SLC9C2: variants seen among roughly 807,000 people sequenced by gnomAD.
SLC9C2 encodes the protein sodium/hydrogen exchanger 11.
In SLC9C2, 75 loss-of-function variants were observed where a neutral mutation model predicts 140.2. The observed-to-expected ratio is 0.53, with a 90% CI of 0.44 to 0.65. SLC9C2 has a LOEUF of 0.65. SLC9C2 is among the 30% of genes least tolerant of loss of function. The pLI, the probability that SLC9C2 is intolerant of heterozygous loss-of-function variation, is 0.00. For missense variants in SLC9C2, 1,074 were observed against 1,331.8 expected (o/e 0.81, Z 3.01); for synonymous variants, 375 against 420.9 (o/e 0.89, Z 1.34).
chr1:173,515,173 T>A (rs1043200215), intron 23 of SLC9C2, among the ~76,000 whole-genome samples: 7 of 152,168 alleles, frequency 4.6e-5, no homozygotes, highest in African/African-American at 1.7e-4. Flanking sequence ...GTGTTCTCTG[T>A]ATTTCCTGAA....
Position 173,524,765 on chromosome 1 carries a change from T to A in SLC9C2, c.2514+14A>T. On this transcript the variant is annotated intron_variant, in intron 20 of 27. Coordinates refer to ENST00000367714, the MANE Select transcript of SLC9C2 (RefSeq NM_178527.4). Reference sequence around the variant, plus strand: ...AGGCTGGGGTGTTATGCGGACAGAATCAAGCAAAATTACCTTATTTATCTC... The same window carrying A: ...AGGCTGGGGTGTTATGCGGACAGAAACAAGCAAAATTACCTTATTTATCTC... The A allele has an allele frequency of 6.2e-7, 1 of 1,613,126 alleles. No individual in the cohort carries two copies. The highest frequency in any genetic ancestry group is 8.5e-7 in the Non-Finnish European group (1 of 1,179,248).
chr1:173,501,492 C>G (rs897239664), intron 27 of SLC9C2, among the ~76,000 whole-genome samples: 2 of 140,006 alleles, frequency 1.4e-5, no homozygotes, highest in Non-Finnish European at 3.1e-5. Context: ...ATGAGGAACT[C>G]AATTATTTGA....
chr1:173,600,198 T>C lies in SLC9C2; in HGVS notation c.147A>G (p.Leu49=). The change falls in exon 3 of 28, where the codon TTA becomes TTG. Residue 49 remains leucine (L), a synonymous_variant. Transcript: ENST00000367714. The part of the protein sequence containing the change: ...VVLGGLLKMC[L]KNCEVIVLTI... ...TCAAAACAATGACTTCACAATTCTT[T>C]AAACACATCTTCAAAAGCCCTAAAT... The C allele has an allele frequency of 6.2e-7, 1 of 1,611,706 alleles. No homozygotes were observed. Among genetic ancestry groups the C allele is most frequent in the Non-Finnish European group, 8.5e-7 (1 of 1,178,740 alleles).
chr1:173,523,773 AT>A (rs1218131752), intron 21 of SLC9C2, among the ~76,000 whole-genome samples, 195 bp downstream of exon 21: 2 of 152,254 alleles, frequency 1.3e-5, no homozygotes, highest in African/African-American at 2.4e-5. Flanking sequence ...CGGATAAGCC[AT>A]TGTGAAAAAC....
chr1:173,518,291 T>G (rs1571450468), intron 22 of SLC9C2, among the ~76,000 whole-genome samples: 1 of 147,818 alleles, frequency 6.8e-6, no homozygotes, highest in Non-Finnish European at 1.5e-5. Flanking sequence ...CCACCAAAAC[T>G]GGAAATTATA....
chr1:173,517,815 T>G, intron 22 of SLC9C2, 111 bp from the exon 23 acceptor site: 1 of 901,938 alleles, frequency 1.1e-6, no homozygotes, highest in South Asian at 2.5e-5. Context: ...GGGAAAGATC[T>G]CCTGTCAGGT....
At chr1:173,535,612 T>C (rs564453873) in intron 15 of SLC9C2, among the ~76,000 whole-genome samples, 1 of 152,248 alleles carries the variant, frequency 6.6e-6, no homozygotes, top group African/African-American at 2.4e-5. Context: ...AGGATCCAAA[T>C]ATGAACATCC....
intron 13 of SLC9C2, among the ~76,000 whole-genome samples, chr1:173,545,037 C>T (rs998487535): frequency 6.6e-6 from 1 of 152,078 alleles, no homozygotes; most frequent in Non-Finnish European, 1.5e-5. Context: ...CAGGGTGCTG[C>T]CAGTAAAATA....
At chr1:173,519,246 A>G (rs1199442465) in intron 22 of SLC9C2, among the ~76,000 whole-genome samples, 1 of 152,048 alleles carries the variant, frequency 6.6e-6, no homozygotes, top group African/African-American at 2.4e-5. Context: ...GACAAAAGAG[A>G]AGCTCTAGGA....
intron 7 of SLC9C2, 50 bp downstream of exon 7, chr1:173,581,797 T>C (rs1242816734): frequency 7.1e-7 from 1 of 1,412,126 alleles, no homozygotes; most frequent in Non-Finnish European, 9.4e-7. Context: ...AATAAACATG[T>C]ATAAAACTTA....
At position 173,509,753 on chromosome 1, in the gene SLC9C2, G is replaced by T. The variant is rs1009994876; in HGVS notation, c.2908-54C>A. ...AGCTTGATGTGGAACTAAATTACAA[G>T]ACCATCAAAAAACAAGATGCCTGCA... is the stretch of plus-strand genomic sequence containing the variant. On this transcript the variant is annotated intron_variant, in intron 23 of 27. Coordinates refer to ENST00000367714, the MANE Select transcript of SLC9C2 (RefSeq NM_178527.4). 3 of 1,538,788 alleles carry T rather than the reference G, an allele frequency of 1.9e-6. No homozygotes were observed. The African/African-American group carries it at 4.3e-5, about 22-fold the overall frequency.
At chr1:173,571,860 C>A (rs776770995) in intron 9 of SLC9C2, 17 of 152,134 alleles carry the variant, frequency 1.1e-4, no homozygotes, top group Non-Finnish European at 2.5e-4. Context: ...CTGATAATTT[C>A]TTTGGGGAAT....
In SLC9C2 at chr1:173,517,685, G is replaced by A. The variant is rs779360409; in HGVS notation, c.2759C>T (p.Thr920Ile). The A allele has an allele frequency of 1.9e-6, 3 of 1,609,496 alleles. No homozygotes were observed. In the South Asian group the frequency reaches 3.3e-5, roughly 18 times the overall value. ...CCTTTGATTACTCTCTATTCCAAAG[G>A]TAGGAGATAAACTATGCAACTGCAA... ...GMAILHSLSPTFGIESNQRCD... is the reference protein window; with the variant it reads ...GMAILHSLSPIFGIESNQRCD... Residue 920 changes from threonine (T) to isoleucine (I), a missense_variant, in exon 23 of 28, where the codon ACC (threonine) becomes ATC (isoleucine). Physicochemically the swap from Thr to Ile is moderately conservative, Grantham distance 89. Transcript: ENST00000367714.
intron 8 of SLC9C2, among the ~76,000 whole-genome samples, chr1:173,576,223 G>A (rs1022852851): frequency 1.8e-4 from 27 of 152,146 alleles, no homozygotes; most frequent in African/African-American, 6.3e-4. Flanking sequence ...CCCCTATCCA[G>A]AGATATTCAT....
intron 17 of SLC9C2, among the ~76,000 whole-genome samples, chr1:173,533,336 A>G (rs1191410207): frequency 3.3e-5 from 5 of 152,088 alleles, no homozygotes; most frequent in Non-Finnish European, 7.4e-5. Flanking sequence ...CTGGAGTGCA[A>G]TGGCACAATC....
chr1:173,501,025 G>A lies in SLC9C2; in HGVS notation c.*69C>T. ...AGTATTTGAGCGAGGAAAGTAGTTT[G>A]GTCTTTAACCTGACTCCACACATCA... On this transcript the variant is annotated 3_prime_UTR_variant, in exon 28 of 28. Transcript: ENST00000367714. 1 of 1,412,402 alleles carries A rather than the reference G, an allele frequency of 7.1e-7. No individual in the cohort carries two copies. Among genetic ancestry groups the A allele is most frequent in the South Asian group, 1.7e-5 (1 of 57,720 alleles). The allele number at this position is 1,412,402 out of a possible 1,614,324, so 87.5% of individuals were successfully genotyped here.
intron 19 of SLC9C2, among the ~76,000 whole-genome samples, chr1:173,525,263 T>C (rs1288752012): frequency 6.6e-6 from 1 of 152,202 alleles, no homozygotes; most frequent in East Asian, 1.9e-4. Context: ...ATAATTTTTG[T>C]TGGTTAGACG....
At position 173,557,349 on chromosome 1, in the gene SLC9C2, T is replaced by G. The variant is rs1207386324; in HGVS notation, c.1206A>C (p.Val402=). The G allele has an allele frequency of 6.2e-7, 1 of 1,612,064 alleles. No individual in the cohort carries two copies. Among genetic ancestry groups the G allele is most frequent in the South Asian group, 1.1e-5 (1 of 90,598 alleles). ...VYNLAERKVE[V]PQMFILYVQV... ...ACATGATCTTTCCTACCATTTGTGG[T>G]ACTTCCACTTTTCGTTCAGCGAGAT... The change falls in exon 10 of 28, where the codon GTA becomes GTC. Residue 402 remains valine (V), a synonymous_variant. Transcript: ENST00000367714.
chr1:173,529,859 C>G, intron 18 of SLC9C2, 46 bp downstream of exon 18: 1 of 1,567,352 alleles, frequency 6.4e-7, no homozygotes, highest in African/African-American at 1.4e-5. Context: ...GAAGTTAATA[C>G]ACCTAAGGGG....
Sources: allele counts gnomAD v4.1 joint callset (sites outside exome capture counted in the v4.1 genomes callset), GRCh38; gene constraint gnomAD v4.1.1; transcripts MANE v1.5; gene names NCBI Gene and HGNC (gene_info 2026-07-23, HGNC 2026-07-21).